INVS: variants seen among roughly 807,000 people sequenced by gnomAD.
INVS encodes inversion of embryo turning homolog.
Under a neutral mutation model 108.8 loss-of-function variants are expected in INVS, and 86 were observed. That is an observed-to-expected ratio of 0.79 (90% CI 0.66 to 0.95). The LOEUF (loss-of-function observed/expected upper bound fraction) is 0.95. Ranked by LOEUF, INVS falls within the 40% of genes least tolerant of loss-of-function variation. The pLI, the probability that INVS is intolerant of heterozygous loss-of-function variation, is 0.00. For missense variants in INVS, 1,169 were observed against 1,297.4 expected (o/e 0.90, Z 1.52); for synonymous variants, 455 against 473.5 (o/e 0.96, Z 0.51).
At chr9:100,299,555 AACACACACACACACAC>A (rs55800849) in intron 16 of INVS, among the ~76,000 whole-genome samples, 3 of 125,738 alleles carry the variant, frequency 2.4e-5, no homozygotes, top group Non-Finnish European at 3.5e-5. Flanking sequence ...ATTGACACAC[AACACACACACACACAC>A]ACACACACAC....
At chr9:100,189,954 G>A (rs1395888679) in intron 3 of INVS, among the ~76,000 whole-genome samples, 1 of 151,996 alleles carries the variant, frequency 6.6e-6, no homozygotes, top group African/African-American at 2.4e-5. Context: ...TTTAAGTCCT[G>A]TGTTTCTTTG....
At chr9:100,266,110 T>C (rs920592292) in intron 11 of INVS, among the ~76,000 whole-genome samples, 2 of 152,002 alleles carry the variant, frequency 1.3e-5, no homozygotes, top group African/African-American at 4.8e-5. Flanking sequence ...ATGTGAAGTC[T>C]AAGGAATAGC....
At position 100,104,634 on chromosome 9, in the gene INVS, A is replaced by G. The variant is rs2118820266; in HGVS notation, c.106+7A>G. On this transcript the variant is annotated splice_region_variant and intron_variant, in intron 2 of 16. Transcript: ENST00000262457. ...CTACAGAGGCTCATCGTAGGTAAGC[A>G]GTCCCCTTAAGTACAGAAACTTTAA... 1 of 1,577,918 alleles carries G rather than the reference A, an allele frequency of 6.3e-7. No individual in the cohort carries two copies. Among genetic ancestry groups the G allele is most frequent in the East Asian group, 2.2e-5 (1 of 44,716 alleles).
intron 4 of INVS, among the ~76,000 whole-genome samples, chr9:100,227,700 T>TAAAA (rs56736083): frequency 1.4e-5 from 2 of 143,832 alleles, no homozygotes; most frequent in Non-Finnish European, 3.1e-5. Context: ...TAAGCCTGAT[T>TAAAA]AAAAAAAAAA....
chr9:100,273,830 A>G (rs1484303630), intron 12 of INVS, among the ~76,000 whole-genome samples: 1 of 151,824 alleles, frequency 6.6e-6, no homozygotes, highest in Non-Finnish European at 1.5e-5. Flanking sequence ...AAGCCACCGC[A>G]CCCAGCTTTC....
intron 3 of INVS, among the ~76,000 whole-genome samples, chr9:100,218,601 C>T (rs1356733075): frequency 6.6e-6 from 1 of 152,208 alleles, no homozygotes; most frequent in Non-Finnish European, 1.5e-5. Flanking sequence ...TGGGAACAAA[C>T]AGCAGTCCTG....
chr9:100,150,264 A>G (rs1056157739), intron 3 of INVS, among the ~76,000 whole-genome samples: 3 of 152,142 alleles, frequency 2.0e-5, no homozygotes, highest in Non-Finnish European at 4.4e-5. Context: ...TATGTTTCCT[A>G]CAATCATCTT....
chr9:100,174,734 G>A (rs1829654446), intron 3 of INVS, among the ~76,000 whole-genome samples: 1 of 151,898 alleles, frequency 6.6e-6, no homozygotes, highest in Non-Finnish European at 1.5e-5. Context: ...CTAACATGGT[G>A]AAACCCCATC....
intron 10 of INVS, among the ~76,000 whole-genome samples, chr9:100,253,617 A>G (rs1260591192): frequency 1.3e-5 from 2 of 151,854 alleles, no homozygotes; most frequent in Non-Finnish European, 2.9e-5. Flanking sequence ...CCCTATGTCC[A>G]AGTGTTCTCA....
At chr9:100,229,573 C>G (rs1055797033) in intron 4 of INVS, 87 bp from the exon 5 acceptor site, 1 of 1,206,256 alleles carries the variant, frequency 8.3e-7, no homozygotes, top group African/African-American at 1.5e-5. Flanking sequence ...CTGTATAAAA[C>G]TCTTATAACA....
Position 100,196,215 on chromosome 9 carries a change from C to T in INVS, c.274-29847C>T, listed in dbSNP as rs1019979377. Reference sequence around the variant, plus strand: ...TTTCAGATTTTATTTCTTCTTACCTCCATTTTAGTATGCTGTCTTTTTCAA... The same window carrying T: ...TTTCAGATTTTATTTCTTCTTACCTTCATTTTAGTATGCTGTCTTTTTCAA... On this transcript the variant is annotated intron_variant, in intron 3 of 16. Coordinates refer to ENST00000262457, the MANE Select transcript of INVS (RefSeq NM_014425.5). 3.3e-5 allele frequency among the ~76,000 whole-genome samples: 5 copies of T among 152,092 alleles called. No homozygotes were observed. The East Asian group carries it at 5.8e-4, about 18-fold the overall frequency.
At chr9:100,152,780 A>G (rs1488024945) in intron 3 of INVS, among the ~76,000 whole-genome samples, 1 of 152,204 alleles carries the variant, frequency 6.6e-6, no homozygotes, top group Non-Finnish European at 1.5e-5. Flanking sequence ...CAGGCAATTT[A>G]TTAGACATAT....
chr9:100,271,990 T>C (rs764648818), intron 11 of INVS, among the ~76,000 whole-genome samples: 1 of 152,108 alleles, frequency 6.6e-6, no homozygotes, highest in Non-Finnish European at 1.5e-5. Flanking sequence ...TGCCTTAGCC[T>C]TCTGAGTAGC....
intron 2 of INVS, among the ~76,000 whole-genome samples, chr9:100,120,063 C>T (rs1162415372): frequency 1.3e-5 from 2 of 152,112 alleles, no homozygotes; most frequent in African/African-American, 2.4e-5. Flanking sequence ...CACAAGTTAC[C>T]GTGCTTCAAA....
intron 3 of INVS, among the ~76,000 whole-genome samples, chr9:100,186,317 T>A (rs981866641): frequency 1.3e-5 from 2 of 151,676 alleles, no homozygotes; most frequent in African/African-American, 4.8e-5. Flanking sequence ...GCCTGGCTAA[T>A]TTTTTTTGTA....
intron 4 of INVS, among the ~76,000 whole-genome samples, chr9:100,226,552 C>T (rs1008340519): frequency 2.0e-5 from 3 of 152,070 alleles, no homozygotes; most frequent in Non-Finnish European, 4.4e-5. Flanking sequence ...TTGGCTCATG[C>T]CTGTAATCCC....
At chr9:100,106,856 C>A (rs552914871) in intron 2 of INVS, among the ~76,000 whole-genome samples, 4 of 151,886 alleles carry the variant, frequency 2.6e-5, no homozygotes, top group Non-Finnish European at 5.9e-5. Flanking sequence ...ACTTAGACCA[C>A]AAAGCCACAC....
chr9:100,179,850 G>A (rs1261135743), intron 3 of INVS, among the ~76,000 whole-genome samples: 4 of 152,260 alleles, frequency 2.6e-5, no homozygotes, highest in African/African-American at 4.8e-5. Flanking sequence ...ATTCTTCTCA[G>A]TACCACATTG....
chr9:100,264,750 G>T, intron 10 of INVS, 72 bp from the exon 11 acceptor site: 1 of 1,014,256 alleles, frequency 9.9e-7, no homozygotes, highest in South Asian at 1.3e-5. Flanking sequence ...TATTAATTTT[G>T]AATTAGCATA....
Sources: gnomAD v4.1 joint callset for allele counts (sites outside exome capture counted in the v4.1 genomes callset) on GRCh38, gnomAD v4.1.1 for gene constraint, MANE v1.5 for transcripts, NCBI Gene and HGNC (gene_info 2026-07-23, HGNC 2026-07-21) for gene names.